The following ACYP2 variants were observed in gnomAD, a reference collection of about 807,000 sequenced individuals.
The protein encoded by ACYP2 is acylphosphatase-2.
A neutral mutation model predicts 11.2 loss-of-function variants in ACYP2; 12 were observed. The ratio of observed to expected loss-of-function variants is 1.08; its 90% CI spans 0.69 to 1.74. The LOEUF (loss-of-function observed/expected upper bound fraction) is 1.74. Ranked by LOEUF, ACYP2 falls within the 40% of genes most tolerant of loss-of-function variation. The probability of loss-of-function intolerance (pLI) is 0.00; values close to 1 mark genes in which losing one functional copy is unlikely to be tolerated. For missense variants in ACYP2, 134 were observed against 101.9 expected (o/e 1.31, Z -1.35); for synonymous variants, 43 against 32.2 (o/e 1.33, Z -1.13).
chr2:54,058,919 G>C (rs544858748), intron 4 of ACYP2, among the ~76,000 whole-genome samples: 1 of 152,136 alleles, frequency 6.6e-6, no homozygotes, highest in Admixed American at 6.6e-5. Context: ...TTATCTCAAG[G>C]CTGGTATCTT....
chr2:54,135,558 A>G, intron 5 of ACYP2, 89 bp downstream of exon 2: 2 of 1,086,264 alleles, frequency 1.8e-6, no homozygotes, highest in Non-Finnish European at 2.7e-6. Flanking sequence ...ACTTGGCGCT[A>G]GTCTACTGTT....
intron 6 of ACYP2, among the ~76,000 whole-genome samples, chr2:54,247,686 T>C (rs973059809): frequency 6.6e-5 from 10 of 152,246 alleles, no homozygotes; most frequent in African/African-American, 2.2e-4. Flanking sequence ...AAATGTTTCA[T>C]ATGCTAAGAA....
chr2:54,222,157 A>G (rs908000884), intron 6 of ACYP2, among the ~76,000 whole-genome samples: 4 of 152,204 alleles, frequency 2.6e-5, no homozygotes, highest in African/African-American at 4.8e-5. Flanking sequence ...CAGCTAGGAA[A>G]GGGCTTGAGT....
intron 6 of ACYP2, among the ~76,000 whole-genome samples, chr2:54,228,100 T>A (rs1686085019): frequency 6.6e-6 from 1 of 152,254 alleles, no homozygotes; most frequent in South Asian, 2.1e-4. Context: ...GGAAGGAATG[T>A]AGCTGTATTT....
At chr2:54,115,482 G>A (rs2103726632) in intron 4 of ACYP2, 133 bp from the exon 1 acceptor site, 4 of 1,315,890 alleles carry the variant, frequency 3.0e-6, no homozygotes, top group East Asian at 5.4e-5. Context: ...GGGCCCAGCG[G>A]CCTCTTCCCT....
chr2:54,030,456 C>G (rs1436432242), intron 2 of ACYP2: 4 of 160,772 alleles, frequency 2.5e-5, no homozygotes, highest in Non-Finnish European at 4.0e-5. Context: ...CTAGGTTTAA[C>G]TATTTGCTCA....
chr2:54,158,077 G>A (rs949346307), intron 6 of ACYP2, among the ~76,000 whole-genome samples: 1 of 151,872 alleles, frequency 6.6e-6, no homozygotes, highest in African/African-American at 2.4e-5. Flanking sequence ...CCAGGCTGGA[G>A]TGCAATGACA....
chr2:54,046,548 A>G (rs1016452809), intron 2 of ACYP2, among the ~76,000 whole-genome samples: 5 of 151,636 alleles, frequency 3.3e-5, no homozygotes, highest in African/African-American at 4.9e-5. Flanking sequence ...CTGAATCTGT[A>G]TCTCTCATGG....
At chr2:54,085,770 AAAATTATTTG>A (rs1310691822) in intron 4 of ACYP2, among the ~76,000 whole-genome samples, 1 of 152,182 alleles carries the variant, frequency 6.6e-6, no homozygotes, top group Non-Finnish European at 1.5e-5. Context: ...GGCAAAAGTT[AAAATTATTTG>A]ATCTCAGTGA....
chr2:54,159,994 A>G (rs547410370), intron 6 of ACYP2, among the ~76,000 whole-genome samples: 5 of 152,214 alleles, frequency 3.3e-5, no homozygotes, highest in Admixed American at 6.5e-5. Flanking sequence ...GCTTCCTGAC[A>G]TCATTTAGCA....
intron 6 of ACYP2, among the ~76,000 whole-genome samples, chr2:54,297,343 T>G (rs1355299281): frequency 6.6e-6 from 1 of 151,902 alleles, no homozygotes; most frequent in Non-Finnish European, 1.5e-5. Flanking sequence ...ACAAAAAAAT[T>G]TTTAATTAGC....
At chr2:54,250,849 G>A (rs994835815) in intron 6 of ACYP2, among the ~76,000 whole-genome samples, 1 of 152,112 alleles carries the variant, frequency 6.6e-6, no homozygotes, top group Non-Finnish European at 1.5e-5. Flanking sequence ...TACTGTAATT[G>A]TCTATAGCAT....
intron 2 of ACYP2, among the ~76,000 whole-genome samples, chr2:54,047,808 C>G (rs1675605797): frequency 6.6e-6 from 1 of 152,190 alleles, no homozygotes; most frequent in Non-Finnish European, 1.5e-5. Flanking sequence ...TTAAATATAT[C>G]ATGAACATTC....
chr2:54,075,382 C>G (rs1303095962), intron 4 of ACYP2, among the ~76,000 whole-genome samples: 1 of 151,982 alleles, frequency 6.6e-6, no homozygotes, highest in East Asian at 1.9e-4. Context: ...GCCTGTAATC[C>G]CAGCTACTTG....
At chr2:54,201,608 CTTTCTTTCTTTCTTTGTTTCTTTCTTTCT>C (rs1684785801) in intron 6 of ACYP2, among the ~76,000 whole-genome samples, 3 of 79,860 alleles carry the variant, frequency 3.8e-5, no homozygotes, top group African/African-American at 1.5e-4. Flanking sequence ...TTCTTTCTTT[CTTTCTTTCTTTCTTTGTTTCTTTCTTTCT>C]CTTTCTTTCT....
intron 6 of ACYP2, among the ~76,000 whole-genome samples, chr2:54,225,339 G>C (rs951522388): frequency 2.6e-5 from 4 of 152,244 alleles, no homozygotes; most frequent in South Asian, 4.2e-4. Context: ...ATTAAATGGA[G>C]TGATTTAAAA....
intron 2 of ACYP2, among the ~76,000 whole-genome samples, chr2:54,006,683 G>C (rs1673082118): frequency 6.6e-6 from 1 of 152,126 alleles, no homozygotes; most frequent in Admixed American, 6.6e-5. Context: ...ACCCAGGCTA[G>C]AGTGCAGTGG....
intron 4 of ACYP2, among the ~76,000 whole-genome samples, chr2:54,125,332 T>C (rs925230157): frequency 9.9e-5 from 15 of 152,216 alleles, no homozygotes; most frequent in African/African-American, 3.6e-4. Flanking sequence ...AACGCCATAA[T>C]CTTGCATGTT....
intron 2 of ACYP2, among the ~76,000 whole-genome samples, chr2:54,015,625 G>T (rs1230386699): frequency 6.9e-6 from 1 of 145,942 alleles, no homozygotes; most frequent in African/African-American, 2.6e-5. Context: ...CTCCAGCCTG[G>T]GCAACAGAGT....
Sources: gnomAD v4.1 joint callset for allele counts (sites outside exome capture counted in the v4.1 genomes callset) on GRCh38, gnomAD v4.1.1 for gene constraint, MANE v1.5 for transcripts, NCBI Gene and HGNC (gene_info 2026-07-23, HGNC 2026-07-21) for gene names.